The following OPA1 variants were observed in gnomAD, a reference collection of about 807,000 sequenced individuals.
OPA1 encodes OPA1 mitochondrial dynamin like GTPase.
A neutral mutation model predicts 152.9 loss-of-function variants in OPA1; 59 were observed. The observed-to-expected ratio is 0.39, with a 90% CI of 0.31 to 0.48. The LOEUF (loss-of-function observed/expected upper bound fraction) is 0.48, where lower values mean the gene tolerates loss of function less well. OPA1 is among the 20% of genes least tolerant of loss of function. The probability of loss-of-function intolerance (pLI) is 0.96; values close to 1 mark genes in which losing one functional copy is unlikely to be tolerated. For synonymous variants in OPA1, 400 were observed against 389.9 expected (o/e 1.03, Z -0.31); for missense variants, 1,008 against 1,216.8 (o/e 0.83, Z 2.55).
rs1714072041 is a variant in OPA1, at chr3:193,657,250, T to G, written c.2331+18T>G. On this transcript the variant is annotated intron_variant, in intron 23 of 30. Transcript: ENST00000361510. ...ACAGCTTGGTATGTTGTTTGTATAC[T>G]GGGGTATCAGCCTCATATTTTTATA... The G allele has an allele frequency of 1.2e-6, 2 of 1,612,922 alleles. No individual in the cohort carries two copies. The highest frequency in any genetic ancestry group is 1.7e-6 in the Non-Finnish European group (2 of 1,179,048).
chr3:193,602,818 G>T (rs140765633), intron 1 of OPA1, among the ~76,000 whole-genome samples: 167 of 152,272 alleles, frequency 1.1e-3, no homozygotes, highest in African/African-American at 3.8e-3. Flanking sequence ...TATCACTGGA[G>T]ACTTTTAGAG....
intron 6 of OPA1, among the ~76,000 whole-genome samples, chr3:193,625,648 A>C (rs1191513173): frequency 6.6e-6 from 1 of 152,112 alleles, no homozygotes; most frequent in Non-Finnish European, 1.5e-5. Context: ...AATAAATGAA[A>C]TATCAAGAAA....
At chr3:193,610,239 A>G (rs966365928) in intron 1 of OPA1, among the ~76,000 whole-genome samples, 1 of 152,106 alleles carries the variant, frequency 6.6e-6, no homozygotes, top group African/African-American at 2.4e-5. Context: ...TCTGTTTGTT[A>G]GTTTTCCTTC....
chr3:193,637,422 A>G (rs999729801), intron 10 of OPA1, 141 bp downstream of exon 10: 3 of 491,374 alleles, frequency 6.1e-6, no homozygotes, highest in African/African-American at 4.1e-5. Context: ...GTAATCTTAC[A>G]TGTTCCAAGT....
chr3:193,661,417 C>G (rs2109216150), intron 25 of OPA1, among the ~76,000 whole-genome samples: 1 of 152,280 alleles, frequency 6.6e-6, no homozygotes. Context: ...CCTTCTCTAT[C>G]CTTTCTATCC....
intron 1 of OPA1, among the ~76,000 whole-genome samples, chr3:193,609,879 T>G (rs1437248912): frequency 1.3e-5 from 2 of 152,244 alleles, no homozygotes; most frequent in South Asian, 4.1e-4. Flanking sequence ...GCCTTGGTTT[T>G]CAGCTCCATC....
chr3:193,693,713 AT>A (rs1260345392), intron 30 of OPA1, among the ~76,000 whole-genome samples: 1 of 152,128 alleles, frequency 6.6e-6, no homozygotes, highest in Non-Finnish European at 1.5e-5. Context: ...GCTAAACATA[AT>A]TTTTGTGTTT....
At chr3:193,666,078 T>C (rs1471213879) in intron 27 of OPA1, among the ~76,000 whole-genome samples, 8 of 152,240 alleles carry the variant, frequency 5.3e-5, no homozygotes, top group Non-Finnish European at 2.9e-5. Context: ...GAAACAAAGC[T>C]ATCTAGGTGT....
At position 193,688,480 on chromosome 3, in the gene OPA1, T is replaced by C. The variant is rs1362666817; in HGVS notation, c.2984-3583T>C. Among the ~76,000 whole-genome samples, 741 of 81,210 alleles carry C rather than the reference T, an allele frequency of 9.1e-3. 54 individuals are homozygous for C. Among genetic ancestry groups the C allele is most frequent in the African/African-American group, 0.039 (597 of 15,364 alleles). 53.3% of individuals were successfully genotyped at this position (81,210 alleles called of 152,430 possible). On this transcript the variant is annotated intron_variant, in intron 29 of 30. Transcript: ENST00000361510. ...TTTTTTTTTTTTTTTTTTTTTTTTT[T>C]TTTTTTTTTTTTTTTTGAGACAGAG...
At chr3:193,677,738 G>A (rs532477653) in intron 29 of OPA1, among the ~76,000 whole-genome samples, 14 of 152,276 alleles carry the variant, frequency 9.2e-5, no homozygotes, top group African/African-American at 2.9e-4. Context: ...CAGTGAGCAC[G>A]ATTCAGAATT....
At chr3:193,667,602 C>T (rs1027230992) in intron 29 of OPA1, 3 of 325,644 alleles carry the variant, frequency 9.2e-6, no homozygotes, top group African/African-American at 2.3e-5. Context: ...ACCCGGGAGG[C>T]GGAGCTTGCG....
intron 24 of OPA1, 136 bp from the exon 25 acceptor site, chr3:193,659,346 G>C (rs1714675926): frequency 1.4e-6 from 1 of 739,316 alleles, no homozygotes; most frequent in Non-Finnish European, 2.3e-6. Flanking sequence ...TCAGTCATGT[G>C]GGTTTTTTCC....
chr3:193,605,949 CA>C (rs1443497290), intron 1 of OPA1, among the ~76,000 whole-genome samples: 1 of 152,170 alleles, frequency 6.6e-6, no homozygotes, highest in Non-Finnish European at 1.5e-5. Flanking sequence ...AAGGACTATA[CA>C]CAACTCCCTA....
chr3:193,654,421 A>G (rs1156486452), intron 21 of OPA1, among the ~76,000 whole-genome samples: 2 of 151,948 alleles, frequency 1.3e-5, no homozygotes, highest in Non-Finnish European at 2.9e-5. Flanking sequence ...GCTTGAGCCC[A>G]GGAGGTTGAG....
chr3:193,685,559 G>A (rs533209090), intron 29 of OPA1, among the ~76,000 whole-genome samples: 4 of 152,106 alleles, frequency 2.6e-5, no homozygotes, highest in African/African-American at 9.7e-5. Flanking sequence ...ATGCTGGGCC[G>A]AGTGATTTTA....
At chr3:193,646,187 T>C (rs1458420806) in intron 18 of OPA1, among the ~76,000 whole-genome samples, 3 of 152,242 alleles carry the variant, frequency 2.0e-5, no homozygotes, top group Non-Finnish European at 4.4e-5. Context: ...TCCCTAGATA[T>C]ATATTGACAG....
chr3:193,617,057 A>C (rs7646539), intron 3 of OPA1, 121 bp from the exon 4 acceptor site: 2 of 656,630 alleles, frequency 3.0e-6, no homozygotes, highest in Non-Finnish European at 5.4e-6. Flanking sequence ...GGTGTTGATA[A>C]TAGTAGCTGT....
In OPA1 at chr3:193,617,824, A is replaced by G. The variant is rs1205079339; in HGVS notation, c.597A>G (p.Leu199=). The change falls in exon 5 of 31, where the codon CTA becomes CTG. Residue 199 remains leucine, a synonymous_variant. Coordinates refer to ENST00000361510, the MANE Select transcript of OPA1 (RefSeq NM_130837.3). ...GTGAAGTCATAGGAGCTTCTGACCT[A>G]CTTCTCTTGTTAGGTGTGTAAACAG... ...LVSEVIGASD[L]LLLLGSPEET... The G allele has an allele frequency of 4.3e-6, 7 of 1,612,520 alleles. No homozygotes were observed. The highest frequency in any genetic ancestry group is 1.3e-5 in the African/African-American group (1 of 75,018).
intron 25 of OPA1, among the ~76,000 whole-genome samples, chr3:193,661,462 C>T (rs1715248002): frequency 6.6e-6 from 1 of 152,138 alleles, no homozygotes; most frequent in South Asian, 2.1e-4. Flanking sequence ...TGTTTTCAAC[C>T]TCATACCTGG....
Sources: allele counts gnomAD v4.1 joint callset (sites outside exome capture counted in the v4.1 genomes callset), GRCh38; gene constraint gnomAD v4.1.1; transcripts MANE v1.5; gene names NCBI Gene and HGNC (gene_info 2026-07-23, HGNC 2026-07-21).